The following KCNJ6 variants were observed in gnomAD, a reference collection of about 807,000 sequenced individuals.
KCNJ6 encodes the protein G protein-activated inward rectifier potassium channel 2.
KCNJ6 carries 9 observed loss-of-function variants against 34.2 expected under a neutral mutation model. That is an observed-to-expected ratio of 0.26 (90% CI 0.16 to 0.46). KCNJ6 has a LOEUF of 0.46. Ranked by LOEUF, KCNJ6 falls within the 20% of genes least tolerant of loss-of-function variation. KCNJ6 has a pLI of 1.00. For missense variants in KCNJ6, 236 were observed against 531.3 expected (o/e 0.44, Z 5.46); for synonymous variants, 196 against 207.1 (o/e 0.95, Z 0.46).
At position 37,768,663 on chromosome 21, in the gene KCNJ6, T is replaced by C. The variant is rs373019328; in HGVS notation, c.26-53532A>G. Among the ~76,000 whole-genome samples, 46 of 152,318 alleles carry C rather than the reference T, an allele frequency of 3.0e-4. 2 individuals carry two copies. In the South Asian group the frequency reaches 9.3e-3, roughly 31 times the overall value. The stretch of plus-strand genomic sequence containing the variant: ...TCACACCTGATTTACTTAAAACATA[T>C]ACACTCTTAGATGTAGCTATCATTA... On this transcript the variant is annotated intron_variant, in intron 2 of 3. Transcript: ENST00000609713.
chr21:37,722,082 A>G (rs1225608106), intron 2 of KCNJ6, among the ~76,000 whole-genome samples: 3 of 151,818 alleles, frequency 2.0e-5, no homozygotes, highest in Non-Finnish European at 4.4e-5. Context: ...TGGAACTGAT[A>G]AACAACTTCG....
chr21:37,749,814 A>G (rs566417335), intron 2 of KCNJ6, among the ~76,000 whole-genome samples: 1 of 152,326 alleles, frequency 6.6e-6, no homozygotes, highest in Non-Finnish European at 1.5e-5. Context: ...CTGAATGGAA[A>G]GAAGGACAAG....
In KCNJ6 at chr21:37,617,128, C is replaced by CT. The variant is rs1446769334; in HGVS notation, c.*8030dup. The CT allele has an allele frequency of 1.3e-5, 1 of 79,908 alleles. No individual in the cohort carries two copies. Among genetic ancestry groups the CT allele is most frequent in the Non-Finnish European group, 2.5e-5 (1 of 40,594 alleles). The allele number at this position is 79,908 out of a possible 1,614,324, so 4.9% of individuals were successfully genotyped here. ...TCTTTCTTTCCTTCTTCCTTCCTTC[C>CT]TTCTTTCTTTCCTTCCTTCCTTCCT... is the stretch of plus-strand genomic sequence containing the variant. On this transcript the variant is annotated 3_prime_UTR_variant, in exon 4 of 4. Transcript: ENST00000609713.
rs981037415 is a variant in KCNJ6, at chr21:37,615,852, T to G, written c.*9307A>C. 1.3e-5 allele frequency: 2 copies of G among 152,172 alleles called. No individual in the cohort carries two copies. Among genetic ancestry groups the G allele is most frequent in the African/African-American group, 4.8e-5 (2 of 41,436 alleles). The allele number at this position is 152,172 out of a possible 1,614,324, so 9.4% of individuals were successfully genotyped here. On this transcript the variant is annotated 3_prime_UTR_variant, in exon 4 of 4. Transcript: ENST00000609713. ...TACATGGGATAATACAAAAATAATT[T>G]TGAAAATTTTTTAAAGGCAAATGTG... is the stretch of plus-strand genomic sequence containing the variant.
At chr21:37,851,725 A>G (rs1194566899) in intron 1 of KCNJ6, among the ~76,000 whole-genome samples, 4 of 151,820 alleles carry the variant, frequency 2.6e-5, no homozygotes, top group Non-Finnish European at 5.9e-5. Context: ...CAGCTTTGGC[A>G]AAGATGATGC....
At chr21:37,710,518 G>A (rs150572675) in intron 3 of KCNJ6, among the ~76,000 whole-genome samples, 80 of 152,306 alleles carry the variant, frequency 5.3e-4, no homozygotes, top group African/African-American at 1.9e-3. Flanking sequence ...ATAACCAAAA[G>A]GCTTAACGGG....
chr21:37,773,622 T>C (rs755758890), intron 2 of KCNJ6, among the ~76,000 whole-genome samples: 1 of 152,140 alleles, frequency 6.6e-6, no homozygotes, highest in East Asian at 1.9e-4. Flanking sequence ...TTTCTTAACA[T>C]GGAAACTGAA....
In KCNJ6 at chr21:37,863,850, TTTTTTTTTTG is replaced by T. The variant is rs1473568636; in HGVS notation, c.-27-23151_-27-23142del. On this transcript the variant is annotated intron_variant, in intron 1 of 3. Coordinates refer to ENST00000609713, the MANE Select transcript of KCNJ6 (RefSeq NM_002240.5). ...AAGCAATTTTAAAATATAAAGGTTT[TTTTTTTTTTG>T]TTTTTTTTTTTTTTTGGTGAAGAGA... Among the ~76,000 whole-genome samples the T allele has an allele frequency of 5.2e-4, 44 of 84,466 alleles. 2 individuals are homozygous for T. The highest frequency in any genetic ancestry group is 1.9e-3 in the African/African-American group (37 of 19,824). 55.4% of individuals were successfully genotyped at this position (84,466 alleles called of 152,430 possible).
chr21:37,902,495 A>G (rs548249224), intron 1 of KCNJ6, among the ~76,000 whole-genome samples: 2 of 152,270 alleles, frequency 1.3e-5, no homozygotes, highest in East Asian at 3.9e-4. Flanking sequence ...ATTCTGTATT[A>G]TTTTTCCAAA....
intron 1 of KCNJ6, among the ~76,000 whole-genome samples, chr21:37,915,120 T>A (rs527564166): frequency 1.3e-5 from 2 of 152,206 alleles, no homozygotes; most frequent in Admixed American, 1.3e-4. Flanking sequence ...TTGGGAATAC[T>A]GATGTTATTT....
At chr21:37,836,904 T>TA (rs754146989) in intron 2 of KCNJ6, among the ~76,000 whole-genome samples, 2 of 152,040 alleles carry the variant, frequency 1.3e-5, no homozygotes, top group South Asian at 4.2e-4. Flanking sequence ...AAAAAAGATT[T>TA]AAAAAAATTG....
intron 2 of KCNJ6, among the ~76,000 whole-genome samples, chr21:37,835,496 A>G (rs1027120819): frequency 6.6e-6 from 1 of 152,236 alleles, no homozygotes; most frequent in African/African-American, 2.4e-5. Flanking sequence ...GTGTCAGCAG[A>G]CAATGACCAT....
intron 1 of KCNJ6, among the ~76,000 whole-genome samples, chr21:37,906,508 T>C (rs1004534497): frequency 2.6e-5 from 4 of 152,218 alleles, no homozygotes; most frequent in Non-Finnish European, 5.9e-5. Context: ...GGGCAGATGA[T>C]TGGCCCTGTC....
chr21:37,826,955 C>T (rs1465417527), intron 2 of KCNJ6, among the ~76,000 whole-genome samples: 1 of 152,100 alleles, frequency 6.6e-6, no homozygotes, highest in African/African-American at 2.4e-5. Context: ...AAGAAGGGAC[C>T]GCAAAGGCTT....
At chr21:37,902,648 G>A (rs774243123) in intron 1 of KCNJ6, among the ~76,000 whole-genome samples, 12 of 151,998 alleles carry the variant, frequency 7.9e-5, no homozygotes, top group African/African-American at 2.2e-4. Flanking sequence ...TCTGACCCTC[G>A]TTGGCAAAGA....
intron 3 of KCNJ6, among the ~76,000 whole-genome samples, chr21:37,658,018 T>C (rs564760309): frequency 4.5e-4 from 68 of 152,312 alleles, no homozygotes; most frequent in South Asian, 2.3e-3. Flanking sequence ...ATTTTTGTAG[T>C]TTGTGGGTTT....
In KCNJ6 at chr21:37,616,168, C is replaced by T. The variant is rs2123352917; in HGVS notation, c.*8991G>A. The T allele has an allele frequency of 6.6e-6, 1 of 152,378 alleles. No individual in the cohort carries two copies. Among genetic ancestry groups the T allele is most frequent in the South Asian group, 2.1e-4 (1 of 4,830 alleles). 9.4% of individuals were successfully genotyped at this position (152,378 alleles called of 1,614,324 possible). ...GTCCACACTGAGAGGCTGGGAGTTA[C>T]CATGGCAGCCAAGCACATCCTCGGT... On this transcript the variant is annotated 3_prime_UTR_variant, in exon 4 of 4. Transcript: ENST00000609713.
At chr21:37,655,228 A>G (rs1383119957) in intron 3 of KCNJ6, among the ~76,000 whole-genome samples, 56 of 2,960 alleles carry the variant, frequency 0.019, no homozygotes, top group African/African-American at 0.037. Context: ...TGTGTGTGAG[A>G]GAGAGAGAGA....
intron 1 of KCNJ6, among the ~76,000 whole-genome samples, chr21:37,890,225 G>A (rs2055755654): frequency 6.6e-6 from 1 of 152,122 alleles, no homozygotes; most frequent in Non-Finnish European, 1.5e-5. Flanking sequence ...GGCAACAGGA[G>A]GGAGAAGTGC....
Sources: allele counts gnomAD v4.1 joint callset (sites outside exome capture counted in the v4.1 genomes callset), GRCh38; gene constraint gnomAD v4.1.1; transcripts MANE v1.5; gene names NCBI Gene and HGNC (gene_info 2026-07-23, HGNC 2026-07-21).